SUCO: variants seen among roughly 807,000 people sequenced by gnomAD.
The protein encoded by SUCO is SUN domain containing ossification factor, also known as SUN domain-containing ossification factor.
SUCO carries 57 observed loss-of-function variants against 148.1 expected under a neutral mutation model. The ratio of observed to expected loss-of-function variants is 0.38; its 90% CI spans 0.31 to 0.48. The LOEUF (loss-of-function observed/expected upper bound fraction) is 0.48, where lower values mean the gene tolerates loss of function less well. Ranked by LOEUF, SUCO falls within the 20% of genes least tolerant of loss-of-function variation. SUCO has a pLI of 0.96. For synonymous variants in SUCO, 470 were observed against 502.7 expected, an observed-to-expected ratio of 0.93 and a Z score of 0.87; for missense variants, 1,331 against 1,468.2, an observed-to-expected ratio of 0.91 and a Z score of 1.53.
In SUCO at chr1:172,588,769, C is replaced by T; in HGVS notation, c.1668C>T (p.Thr556=). 2 of 1,488,932 alleles carry T rather than the reference C, an allele frequency of 1.3e-6. No homozygotes were observed. The highest frequency in any genetic ancestry group is 1.5e-5 in the South Asian group (1 of 66,288). 92.2% of individuals were successfully genotyped at this position (1,488,932 alleles called of 1,614,324 possible). ...STPVPSPEYV[T]TEVHTHDMEP... is the part of the protein sequence containing the mutation. Reference sequence around the variant, plus strand: ...ATATATGTATTTCTAGGTATGTAACCACTGAAGTACACACACATGACATGG... The same window carrying T: ...ATATATGTATTTCTAGGTATGTAACTACTGAAGTACACACACATGACATGG... The change falls in exon 18 of 24, where the codon ACC becomes ACT. Residue 556 remains threonine, a synonymous_variant. Transcript: ENST00000263688.
intron 8 of SUCO, 34 bp downstream of exon 8, chr1:172,570,205 G>C: frequency 7.6e-7 from 1 of 1,315,794 alleles, no homozygotes; most frequent in Non-Finnish European, 1.0e-6. Flanking sequence ...TGTATATATA[G>C]GAAATTAACG....
chr1:172,570,648 C>T lies in SUCO; in HGVS notation c.982-15C>T, dbSNP rs886976295. On this transcript the variant is annotated splice_polypyrimidine_tract_variant and intron_variant, in intron 8 of 23. Coordinates refer to ENST00000263688, the MANE Select transcript of SUCO (RefSeq NM_014283.5). ...TTCCTTAAGTAATTTGTTTCCTTTC[C>T]TCTTTTTAAAATAGAGCACATCTGC... The T allele has an allele frequency of 3.9e-6, 6 of 1,526,640 alleles. No homozygotes were observed. In the Admixed American group the frequency reaches 7.1e-5, roughly 18 times the overall value. The allele number at this position is 1,526,640 out of a possible 1,614,324, so 94.6% of individuals were successfully genotyped here.
chr1:172,549,259 A>C (rs1653099048), intron 1 of SUCO, among the ~76,000 whole-genome samples: 1 of 151,758 alleles, frequency 6.6e-6, no homozygotes, highest in African/African-American at 2.4e-5. Flanking sequence ...TCTTCATTAA[A>C]ACTCAGAGGA....
chr1:172,602,884 A>C, intron 22 of SUCO, 97 bp downstream of exon 22: 6 of 1,011,462 alleles, frequency 5.9e-6, no homozygotes, highest in Non-Finnish European at 8.9e-6. Context: ...CATCTGCAAC[A>C]AAAAATGGAT....
At chr1:172,541,954 G>T (rs1308708630) in intron 1 of SUCO, 1 of 558,152 alleles carries the variant, frequency 1.8e-6, no homozygotes, top group African/African-American at 2.1e-5. Context: ...AGAATTGGTG[G>T]TGGTCAAAAA....
At chr1:172,569,323 C>G (rs1654776781) in intron 7 of SUCO, 181 bp downstream of exon 7, 1 of 860,462 alleles carries the variant, frequency 1.2e-6, no homozygotes, top group African/African-American at 1.8e-5. Flanking sequence ...TAATTACATA[C>G]AGTTTTAGTT....
Position 172,602,796 on chromosome 1 carries a change from C to CTGTGGATATATAATATGTA in SUCO, c.3265+11_3265+29dup, listed in dbSNP as rs1411365582. ...GTTAACTGGCAAAGAAGGTAGATTT[C>CTGTGGATATATAATATGTA]TGTGGATATATAATATGTATATATA... On this transcript the variant is annotated intron_variant, in intron 22 of 23. Transcript: ENST00000263688. The CTGTGGATATATAATATGTA allele has an allele frequency of 3.8e-6, 6 of 1,591,616 alleles. No homozygotes were observed. The highest frequency in any genetic ancestry group is 5.2e-6 in the Non-Finnish European group (6 of 1,161,158).
At chr1:172,552,193 T>C (rs1653354971) in intron 2 of SUCO, 1 of 152,090 alleles carries the variant, frequency 6.6e-6, no homozygotes, top group South Asian at 2.1e-4. Context: ...ATATTTATTA[T>C]TTATGTCTCA....
rs1658213481 is a variant in SUCO, at chr1:172,611,527, C to T, written c.*1268C>T. ...GTTTTTAAACTTGCCTAATACCTTT[C>T]TTGGGTATTGTTTGTAATGTGACTT... On this transcript the variant is annotated 3_prime_UTR_variant, in exon 24 of 24. Coordinates refer to ENST00000263688, the MANE Select transcript of SUCO (RefSeq NM_014283.5). The T allele has an allele frequency of 1.3e-5, 2 of 152,586 alleles. No homozygotes were observed. Among genetic ancestry groups the T allele is most frequent in the South Asian group, 2.1e-4 (1 of 4,832 alleles). 9.5% of individuals were successfully genotyped at this position (152,586 alleles called of 1,614,324 possible). A position where few individuals can be genotyped will look rare whatever the true frequency, so the allele number is the denominator to read the frequency against.
chr1:172,569,723 A>T (rs1295253194), intron 7 of SUCO, among the ~76,000 whole-genome samples: 1 of 152,166 alleles, frequency 6.6e-6, no homozygotes, highest in African/African-American at 2.4e-5. Flanking sequence ...ATAATGTAAG[A>T]AATACATCCT....
intron 3 of SUCO, 142 bp from the exon 4 acceptor site, chr1:172,555,726 AG>A (rs1201807609): frequency 2.9e-6 from 2 of 679,852 alleles, no homozygotes; most frequent in South Asian, 3.4e-5. Flanking sequence ...ATTGGAAGAA[AG>A]GATTTTTATA....
intron 19 of SUCO, among the ~76,000 whole-genome samples, chr1:172,596,651 T>C (rs1282306218): frequency 6.6e-6 from 1 of 152,176 alleles, no homozygotes; most frequent in African/African-American, 2.4e-5. Context: ...CTGAAAGCTT[T>C]GTCTCAGAGG....
At chr1:172,591,162 A>G (rs1656629821) in intron 19 of SUCO, 91 bp downstream of exon 19, 2 of 938,174 alleles carry the variant, frequency 2.1e-6, no homozygotes, top group Admixed American at 2.7e-5. Flanking sequence ...TTGTAGTTTC[A>G]CTTTTTCCCC....
In SUCO at chr1:172,610,440, T is replaced by G; in HGVS notation, c.*181T>G. The G allele has an allele frequency of 1.1e-6, 1 of 923,020 alleles. No homozygotes were observed. Among genetic ancestry groups the G allele is most frequent in the Non-Finnish European group, 1.5e-6 (1 of 660,554 alleles). The allele number at this position is 923,020 out of a possible 1,614,324, so 57.2% of individuals were successfully genotyped here. On this transcript the variant is annotated 3_prime_UTR_variant, in exon 24 of 24. Coordinates refer to ENST00000263688, the MANE Select transcript of SUCO (RefSeq NM_014283.5). ...GTCAATCTTGGTTAATGAGCTACAG[T>G]TTTACAAAGCTGATCACTTCCTATA... is the stretch of plus-strand genomic sequence containing the variant.
chr1:172,542,653 C>A (rs1652564095), intron 1 of SUCO: 3 of 816,012 alleles, frequency 3.7e-6, no homozygotes, highest in Non-Finnish European at 3.0e-6. Flanking sequence ...AATGGCCCCC[C>A]ACCCCATCCA....
intron 19 of SUCO, among the ~76,000 whole-genome samples, chr1:172,596,809 C>G (rs952777733): frequency 6.6e-6 from 1 of 152,210 alleles, no homozygotes; most frequent in Non-Finnish European, 1.5e-5. Context: ...CTACTCTCTT[C>G]AAAGCTGTCA....
At chr1:172,565,020 G>T (rs899013879) in intron 6 of SUCO, among the ~76,000 whole-genome samples, 1 of 152,150 alleles carries the variant, frequency 6.6e-6, no homozygotes, top group African/African-American at 2.4e-5. Flanking sequence ...ACCATTTTTA[G>T]ATTTTATACC....
chr1:172,578,630 C>T, intron 14 of SUCO: 1 of 752,126 alleles, frequency 1.3e-6, no homozygotes, highest in Non-Finnish European at 1.6e-6. Context: ...CCTTCTATAA[C>T]ATTAATGGTA....
chr1:172,547,931 TG>T lies in SUCO; in HGVS notation c.63-3580del, dbSNP rs541575741. ...AACAGAGGGAGAGAGGAAGGATGAGTGAGCATGGGCAAATGACAAATAATGG... is the reference window on the plus strand; with the variant it reads ...AACAGAGGGAGAGAGGAAGGATGAGTAGCATGGGCAAATGACAAATAATGG... On this transcript the variant is annotated intron_variant, in intron 1 of 23. Transcript: ENST00000263688. Among the ~76,000 whole-genome samples, 527 of 152,108 alleles carry T rather than the reference TG, an allele frequency of 3.5e-3. 1 individual carries two copies. Among genetic ancestry groups the T allele is most frequent in the Non-Finnish European group, 5.4e-3 (367 of 67,898 alleles).
Sources: allele counts gnomAD v4.1 joint callset (sites outside exome capture counted in the v4.1 genomes callset), GRCh38; gene constraint gnomAD v4.1.1; transcripts MANE v1.5; gene names NCBI Gene and HGNC (gene_info 2026-07-23, HGNC 2026-07-21).